The following DHX36 variants were observed in gnomAD, a reference collection of about 807,000 sequenced individuals.
The protein encoded by DHX36 is ATP-dependent DNA/RNA helicase DHX36.
DHX36 carries 50 observed loss-of-function variants against 139.0 expected under a neutral mutation model. The ratio of observed to expected loss-of-function variants is 0.36; its 90% confidence interval spans 0.29 to 0.46. The LOEUF (loss-of-function observed/expected upper bound fraction) is 0.46, where lower values mean the gene tolerates loss of function less well. Among genes scored for constraint, DHX36 ranks in the 20% least tolerant of loss-of-function variants. The pLI, the probability that DHX36 is intolerant of heterozygous loss-of-function variation, is 1.00. For synonymous variants in DHX36, 425 were observed against 401.9 expected, an observed-to-expected ratio of 1.06 and a Z score of -0.69; for missense variants, 1,024 against 1,211.3, an observed-to-expected ratio of 0.85 and a Z score of 2.29.
In DHX36 at chr3:154,324,231, G is replaced by A. The variant is rs1431824382; in HGVS notation, c.186C>T (p.Ile62=). Residue 62 remains isoleucine, a synonymous_variant, in exon 1 of 25, where the codon ATC becomes ATT. Transcript: ENST00000496811. ...CCTGTTTTTTCGCGTACCACATGCC[G>A]ATTTCGCGGCCTTTCAGGTGCCCGG... ...RHPGHLKGRE[I]GMWYAKKQGQ... 14 of 1,613,260 alleles carry A rather than the reference G, an allele frequency of 8.7e-6. No individual in the cohort carries two copies. Among genetic ancestry groups the A allele is most frequent in the Non-Finnish European group, 1.2e-5 (14 of 1,179,656 alleles).
chr3:154,320,177 CA>C (rs775659405), intron 1 of DHX36, among the ~76,000 whole-genome samples: 2 of 152,170 alleles, frequency 1.3e-5, no homozygotes, highest in Non-Finnish European at 1.5e-5. Flanking sequence ...TCTTAGATTT[CA>C]AAACAACACA....
In DHX36 at chr3:154,303,386, G is replaced by A. The variant is rs1388826508; in HGVS notation, c.1160C>T (p.Pro387Leu). 1.9e-6 allele frequency: 3 copies of A among 1,605,644 alleles called. No homozygotes were observed. Among genetic ancestry groups the A allele is most frequent in the African/African-American group, 1.3e-5 (1 of 74,548 alleles). ...TTCCACAACCGGAAAGGTAAAACCA[G>A]GTATATGTATCATTGGACAGTTACC... Reference protein sequence around the residue: ...YFGNCPMIHIPGFTFPVVEYL... With the variant: ...YFGNCPMIHILGFTFPVVEYL... Residue 387 changes from proline to leucine, a missense_variant, in exon 9 of 25, where the codon CCT (proline) becomes CTT (leucine). Physicochemically the swap from Pro to Leu is moderately conservative, Grantham distance 98 (BLOSUM62 -3). Transcript: ENST00000496811.
intron 1 of DHX36, among the ~76,000 whole-genome samples, chr3:154,319,980 G>A (rs1005062186): frequency 6.6e-6 from 1 of 152,102 alleles, no homozygotes; most frequent in Non-Finnish European, 1.5e-5. Context: ...CTGAATCTCT[G>A]TTTCACTTGC....
intron 24 of DHX36, 129 bp downstream of exon 24, chr3:154,276,618 T>A: frequency 9.1e-7 from 1 of 1,094,316 alleles, no homozygotes; most frequent in Non-Finnish European, 1.3e-6. Context: ...CCAGGAATCA[T>A]TTTTTCAAAA....
intron 1 of DHX36, among the ~76,000 whole-genome samples, chr3:154,317,777 G>A (rs1012191586): frequency 3.3e-5 from 5 of 152,012 alleles, no homozygotes; most frequent in African/African-American, 1.2e-4. Context: ...GGAGACTGAT[G>A]AAAGCAGACA....
chr3:154,300,670 A>G lies in DHX36; in HGVS notation c.1385T>C (p.Ile462Thr), dbSNP rs763875729. The G allele has an allele frequency of 3.1e-6, 5 of 1,613,588 alleles. No homozygotes were observed. Among genetic ancestry groups the G allele is most frequent in the South Asian group, 2.2e-5 (2 of 91,064 alleles). Residue 462 changes from isoleucine (I) to threonine (T), a missense_variant, in exon 11 of 25, where the codon ATA becomes ACA. This residue lies in a region of DHX36 where 115 missense variants were observed against 105.6 expected (regional missense o/e 1.09). Coordinates refer to ENST00000496811, the MANE Select transcript of DHX36 (RefSeq NM_020865.3). ...RRYSASTVDVIEMMEDDKVDL... is the reference protein window; with the variant it reads ...RRYSASTVDVTEMMEDDKVDL... ...AACTTTATCATCCTCCATCATTTCT[A>G]TAACATCTACAGTACTTGCAGAATA... is the stretch of plus-strand genomic sequence containing the variant.
At chr3:154,310,802 A>AT (rs1712711244) in intron 4 of DHX36, among the ~76,000 whole-genome samples, 1 of 40,130 alleles carries the variant, frequency 2.5e-5, no homozygotes, top group African/African-American at 1.1e-4. Context: ...AAAAAAAAAA[A>AT]AAAAATATAT....
chr3:154,312,868 TATATATATATA>T (rs1395723362), intron 3 of DHX36, among the ~76,000 whole-genome samples: 4 of 80,136 alleles, frequency 5.0e-5, no homozygotes, highest in Admixed American at 2.4e-4. Flanking sequence ...TATATATATA[TATATATATATA>T]TATATATATA....
At chr3:154,305,233 G>A (rs1035186889) in intron 6 of DHX36, 65 bp from the exon 7 acceptor site, 1 of 1,340,860 alleles carries the variant, frequency 7.5e-7, no homozygotes, top group Admixed American at 2.3e-5. Flanking sequence ...CTACCACAAA[G>A]GTTTATATCT....
intron 3 of DHX36, among the ~76,000 whole-genome samples, chr3:154,312,644 C>T (rs185829172): frequency 1.3e-5 from 2 of 150,996 alleles, no homozygotes; most frequent in East Asian, 3.9e-4. Flanking sequence ...AGTTTGAGAC[C>T]AGCCTGGCCA....
At chr3:154,302,473 GA>G (rs1197895923) in intron 9 of DHX36, among the ~76,000 whole-genome samples, 1 of 152,176 alleles carries the variant, frequency 6.6e-6, no homozygotes, top group Non-Finnish European at 1.5e-5. Context: ...TTAGGCTTGA[GA>G]AATGTTAGGT....
At chr3:154,293,427 A>T (rs948092772) in intron 14 of DHX36, among the ~76,000 whole-genome samples, 1 of 152,092 alleles carries the variant, frequency 6.6e-6, no homozygotes, top group Non-Finnish European at 1.5e-5. Flanking sequence ...CAAGAAATTT[A>T]AAAAATCAGA....
At chr3:154,311,010 G>T (rs1280412421) in intron 4 of DHX36, among the ~76,000 whole-genome samples, 2 of 150,724 alleles carry the variant, frequency 1.3e-5, no homozygotes, top group South Asian at 4.2e-4. Flanking sequence ...TTATTTACTG[G>T]AAGTCTTTAG....
At chr3:154,295,553 CA>C (rs1712009087) in intron 12 of DHX36, among the ~76,000 whole-genome samples, 1 of 152,156 alleles carries the variant, frequency 6.6e-6, no homozygotes, top group Admixed American at 6.5e-5. Flanking sequence ...TTTCTACATA[CA>C]AACAGACCAA....
chr3:154,321,370 A>T (rs1438110052), intron 1 of DHX36, among the ~76,000 whole-genome samples: 1 of 152,180 alleles, frequency 6.6e-6, no homozygotes, highest in Non-Finnish European at 1.5e-5. Flanking sequence ...TCTTTTCCAA[A>T]CCCCAAACTT....
intron 22 of DHX36, chr3:154,277,946 G>A (rs1211669304): frequency 3.0e-6 from 1 of 333,410 alleles, no homozygotes; most frequent in Non-Finnish European, 5.4e-6. Flanking sequence ...CTATCAGTAT[G>A]AATAATTTAA....
rs750007540 is a variant in DHX36 at position 154,305,185 on chromosome 3, T to G, written c.894-17A>C. 5.0e-6 allele frequency: 8 copies of G among 1,604,836 alleles called. No individual in the cohort carries two copies. In the South Asian group the frequency reaches 7.8e-5, roughly 16 times the overall value. ...GGCAACCGACTGTGAATGAAAGACATGAATTAATAAGCCTTGGTTTTCTCT... is the reference window on the plus strand; with the variant it reads ...GGCAACCGACTGTGAATGAAAGACAGGAATTAATAAGCCTTGGTTTTCTCT... On this transcript the variant is annotated splice_polypyrimidine_tract_variant and intron_variant, in intron 6 of 24. Transcript: ENST00000496811.
At chr3:154,285,087 C>A in intron 17 of DHX36, 100 bp from the exon 18 acceptor site, 1 of 1,218,806 alleles carries the variant, frequency 8.2e-7, no homozygotes, top group East Asian at 2.4e-5. Context: ...ACTACTCTCT[C>A]TTCTAAGTCC....
At position 154,309,753 on chromosome 3, in the gene DHX36, G is replaced by C; in HGVS notation, c.713C>G (p.Thr238Ser). 5 of 1,612,656 alleles carry C rather than the reference G, an allele frequency of 3.1e-6. No homozygotes were observed. Among genetic ancestry groups the C allele is most frequent in the Non-Finnish European group, 4.2e-6 (5 of 1,179,346 alleles). ...ATCCAAAATGAACTGAGTAACTTGA[G>C]TGGTTTTGCCACAACCAGTTTCACC... is the stretch of plus-strand genomic sequence containing the variant. Reference protein sequence around the residue: ...ISGETGCGKTTQVTQFILDNY... With the variant: ...ISGETGCGKTSQVTQFILDNY... The change falls in exon 5 of 25, where the codon ACT (threonine) becomes AGT (serine). Residue 238 changes from threonine to serine, a missense_variant. Around this residue, in one of 4 missense-constraint regions of DHX36, gnomAD observed 146 missense variants for 215.0 expected, o/e 0.68. Coordinates refer to ENST00000496811, the MANE Select transcript of DHX36 (RefSeq NM_020865.3).
Sources: allele counts gnomAD v4.1 joint callset (sites outside exome capture counted in the v4.1 genomes callset), GRCh38; gene constraint gnomAD v4.1.1; regional missense constraint gnomAD v4.1.1; transcripts MANE v1.5; gene names NCBI Gene and HGNC (gene_info 2026-07-23, HGNC 2026-07-21).